The following PTPRS variants were observed in gnomAD, a reference collection of about 807,000 sequenced individuals.
The protein encoded by PTPRS is protein tyrosine phosphatase receptor type S, also known as receptor-type tyrosine-protein phosphatase S.
A neutral mutation model predicts 215.3 loss-of-function variants in PTPRS; 63 were observed. That is an observed-to-expected ratio of 0.29 (90% confidence interval 0.24 to 0.36). The LOEUF is 0.36. PTPRS is among the 10% of genes least tolerant of loss of function. The probability of loss-of-function intolerance (pLI) is 1.00; values close to 1 mark genes in which losing one functional copy is unlikely to be tolerated. For missense variants in PTPRS, 2,258 were observed against 2,825.8 expected, an observed-to-expected ratio of 0.80 and a Z score of 4.56; for synonymous variants, 1,404 against 1,191.4, an observed-to-expected ratio of 1.18 and a Z score of -3.68.
intron 1 of PTPRS, among the ~76,000 whole-genome samples, chr19:5,311,099 C>T (rs1178935947): frequency 6.6e-6 from 1 of 152,102 alleles, no homozygotes; most frequent in Non-Finnish European, 1.5e-5. Context: ...AGGATGGTCT[C>T]GATCTCCTGA....
rs2049114701 is a variant in PTPRS at position 5,295,704 on chromosome 19, G to T, written c.-94-9470C>A. Among the ~76,000 whole-genome samples, 1 of 152,138 alleles carries T rather than the reference G, an allele frequency of 6.6e-6. No homozygotes were observed. Among genetic ancestry groups the T allele is most frequent in the African/African-American group, 2.4e-5 (1 of 41,412 alleles). ...CCTCCGACCTTATTCTCCTCCAAAG[G>T]CCACACTGTGTGTGCCCTTGTCATA... On this transcript the variant is annotated intron_variant, in intron 1 of 37. Transcript: ENST00000262963. This position sits in a 1 kb window ranked among gnomAD's most constrained non-coding sequence, Gnocchi z 4.6.
chr19:5,263,251 C>T (rs1445936425), intron 5 of PTPRS, among the ~76,000 whole-genome samples: 2 of 152,082 alleles, frequency 1.3e-5, no homozygotes, highest in African/African-American at 2.4e-5. Flanking sequence ...CTTGCAGAGG[C>T]CTATGAGCTG....
rs1045893958 is a variant in PTPRS at position 5,245,880 on chromosome 19, C to T, written c.884G>A (p.Arg295Gln). ...GACATCTGTGAGTTCCAGCACGTTC[C>T]GACCCACGGGCATGTCATCCTCGGG... ...LTPEDDMPVG[R>Q]NVLELTDVKD... Residue 295 changes from arginine to glutamine, a missense_variant, in exon 10 of 38, where the codon CGG (arginine) becomes CAG (glutamine). This residue lies in a region of PTPRS where 508 missense variants were observed against 799.4 expected (regional missense o/e 0.64). Transcript: ENST00000262963. 6.8e-6 allele frequency: 11 copies of T among 1,614,012 alleles called. No individual in the cohort carries two copies. The highest frequency in any genetic ancestry group is 9.3e-6 in the Non-Finnish European group (11 of 1,179,990).
Position 5,229,628 on chromosome 19 carries a change from G to A in PTPRS, c.2212C>T (p.Arg738Cys), listed in dbSNP as rs1164098327. The change falls in exon 15 of 38, where the codon CGC (arginine) becomes TGC (cysteine). Residue 738 changes from arginine (R) to cysteine (C), a missense_variant. Around this residue, in one of 6 missense-constraint regions of PTPRS, gnomAD observed 371 missense variants for 446.7 expected, o/e 0.83. Coordinates refer to ENST00000262963, the MANE Select transcript of PTPRS (RefSeq NM_002850.4). ...GGCGCGGGCGAGCGCCACAGCACGC[G>A]GATGGCCGTGGCGTTGAGCGCCTCC... ...EAEALNATAI[R>C]VLWRSPAPGR... 3 of 1,380,012 alleles carry A rather than the reference G, an allele frequency of 2.2e-6. No individual in the cohort carries two copies. The highest frequency in any genetic ancestry group is 3.1e-5 in the East Asian group (1 of 32,104). 85.5% of individuals were successfully genotyped at this position (1,380,012 alleles called of 1,614,324 possible).
chr19:5,301,396 C>A (rs1251684856), intron 1 of PTPRS, among the ~76,000 whole-genome samples: 1 of 151,532 alleles, frequency 6.6e-6, no homozygotes, highest in Non-Finnish European at 1.5e-5. Context: ...GCTCCCTGCA[C>A]CCTCTGCCTC....
intron 1 of PTPRS, among the ~76,000 whole-genome samples, chr19:5,291,051 AGGGGCTGGGT>A (rs1428842615): frequency 2.1e-5 from 3 of 146,002 alleles, no homozygotes; most frequent in African/African-American, 5.0e-5. Context: ...GGGCTCAGGG[AGGGGCTGGGT>A]GGGGCTGGCC....
In PTPRS at chr19:5,267,215, C is replaced by CG. The variant is rs376209369; in HGVS notation, c.380-2020dup. Reference sequence around the variant, plus strand: ...ATGGAGACCGGTGGTGATGTGGGGGCGGGGGGGAGCGGGGACAAGGAGGAG... The same window carrying CG: ...ATGGAGACCGGTGGTGATGTGGGGGCGGGGGGGGAGCGGGGACAAGGAGGAG... On this transcript the variant is annotated intron_variant, in intron 4 of 37. Coordinates refer to ENST00000262963, the MANE Select transcript of PTPRS (RefSeq NM_002850.4). 4.1e-3 allele frequency among the ~76,000 whole-genome samples: 433 copies of CG among 106,056 alleles called. 5 individuals are homozygous for CG. Among genetic ancestry groups the CG allele is most frequent in the African/African-American group, 0.013 (370 of 29,424 alleles). The allele number at this position is 106,056 out of a possible 152,430, so 69.6% of individuals were successfully genotyped here.
intron 1 of PTPRS, among the ~76,000 whole-genome samples, chr19:5,322,736 G>A (rs1197073689): frequency 2.0e-5 from 3 of 151,862 alleles, no homozygotes; most frequent in Admixed American, 6.6e-5. Flanking sequence ...AAAATTAGCC[G>A]GGCATGGTGG....
At chr19:5,236,466 G>A (rs1180257969) in intron 13 of PTPRS, among the ~76,000 whole-genome samples, 2 of 152,204 alleles carry the variant, frequency 1.3e-5, no homozygotes, top group African/African-American at 2.4e-5. Context: ...AAGTGCCCAC[G>A]ATTTTAGAAT....
chr19:5,231,605 G>C lies in PTPRS; in HGVS notation c.1860C>G (p.Ala620=), dbSNP rs751470276. The C allele has an allele frequency of 3.6e-5, 50 of 1,396,682 alleles. 1 individual carries two copies. Among genetic ancestry groups the C allele is most frequent in the Middle Eastern group, 2.7e-4 (1 of 3,748 alleles). The allele number at this position is 1,396,682 out of a possible 1,614,324, so 86.5% of individuals were successfully genotyped here. A position where few individuals can be genotyped will look rare whatever the true frequency, so the allele number is the denominator to read the frequency against. ...RQRTLQSKPS[A]PPQDVKCVSV... ...TGACACATTTAACGTCTTGAGGGGGGGCTGACGGTTCTATTGGAGGGGGGG... is the reference window on the plus strand; with the variant it reads ...TGACACATTTAACGTCTTGAGGGGGCGCTGACGGTTCTATTGGAGGGGGGG... The change falls in exon 14 of 38, where the codon GCC becomes GCG. Residue 620 remains alanine (A), a synonymous_variant. Transcript: ENST00000262963.
chr19:5,324,659 A>T (rs2050123623), intron 1 of PTPRS, among the ~76,000 whole-genome samples: 1 of 152,104 alleles, frequency 6.6e-6, no homozygotes, highest in African/African-American at 2.4e-5. Flanking sequence ...ACTCAACTCT[A>T]CTTGCTGTGT....
In PTPRS at chr19:5,276,206, G is replaced by C. The variant is rs185028690; in HGVS notation, c.92-1862C>G. ...TCATTCAGTCTCTGCAATAAAGCCT[G>C]GAGTAGGAGTGTTTTTGTTTTTGTT... On this transcript the variant is annotated intron_variant, in intron 2 of 37. Coordinates refer to ENST00000262963, the MANE Select transcript of PTPRS (RefSeq NM_002850.4). 4.8e-3 allele frequency among the ~76,000 whole-genome samples: 721 copies of C among 149,358 alleles called. 19 individuals are homozygous for C. Among genetic ancestry groups the C allele is most frequent in the Admixed American group, 0.044 (668 of 15,052 alleles).
At chr19:5,224,035 C>T (rs1429957688) in intron 17 of PTPRS, among the ~76,000 whole-genome samples, 12 of 151,306 alleles carry the variant, frequency 7.9e-5, no homozygotes, top group South Asian at 2.1e-4. Flanking sequence ...AAAAATGAGC[C>T]GGGGGTGGTG....
intron 9 of PTPRS, chr19:5,250,947 C>CG (rs10598598): frequency 4.6e-5 from 2 of 43,448 alleles, no homozygotes; most frequent in South Asian, 1.9e-3. Context: ...GCGGGGGCGG[C>CG]GGGGGGGGGG....
intron 6 of PTPRS, 116 bp from the exon 7 acceptor site, chr19:5,260,938 G>A (rs1182104157): frequency 8.0e-7 from 1 of 1,251,472 alleles, no homozygotes; most frequent in African/African-American, 1.5e-5. Context: ...CTGCCCCAGG[G>A]AGGGGATCGA....
At chr19:5,229,401 G>T in intron 15 of PTPRS, 59 bp from the exon 16 acceptor site, 1 of 1,353,984 alleles carries the variant, frequency 7.4e-7, no homozygotes, top group Non-Finnish European at 9.5e-7. Context: ...GGAGGCCAGA[G>T]ATGGAGAAAG....
chr19:5,312,695 A>G (rs375857208), intron 1 of PTPRS, among the ~76,000 whole-genome samples: 5 of 152,250 alleles, frequency 3.3e-5, no homozygotes, highest in African/African-American at 1.2e-4. Context: ...AATAATAGCA[A>G]TAGTAACAAT....
chr19:5,335,945 C>T (rs2050483397), intron 1 of PTPRS, among the ~76,000 whole-genome samples: 1 of 151,758 alleles, frequency 6.6e-6, no homozygotes. Context: ...CAGAATAGCA[C>T]CAGCCCCAAG....
intron 19 of PTPRS, 36 bp downstream of exon 19, chr19:5,222,087 T>C: frequency 2.2e-6 from 3 of 1,377,934 alleles, no homozygotes; most frequent in Non-Finnish European, 3.0e-6. Context: ...CCCCTGACCC[T>C]GCCTGCCTGC....
Sources: gnomAD v4.1 joint callset for allele counts (sites outside exome capture counted in the v4.1 genomes callset) on GRCh38, gnomAD v4.1.1 for gene constraint, gnomAD v4.1.1 regional missense constraint, Gnocchi (gnomAD v3.1) non-coding constraint, MANE v1.5 for transcripts, NCBI Gene and HGNC (gene_info 2026-07-23, HGNC 2026-07-21) for gene names.